PIK3R5: variants seen among roughly 807,000 people sequenced by gnomAD.
PIK3R5 encodes phosphoinositide 3-kinase regulatory subunit 5.
PIK3R5 carries 32 observed loss-of-function variants against 94.9 expected under a neutral mutation model. The observed-to-expected ratio is 0.34, with a 90% CI of 0.25 to 0.45. The LOEUF (loss-of-function observed/expected upper bound fraction) is 0.45. Among genes scored for constraint, PIK3R5 ranks in the 20% least tolerant of loss-of-function variants. The pLI, the probability that PIK3R5 is intolerant of heterozygous loss-of-function variation, is 1.00. For synonymous variants in PIK3R5, 443 were observed against 479.4 expected, an observed-to-expected ratio of 0.92 and a Z score of 0.99; for missense variants, 853 against 1,144.6, an observed-to-expected ratio of 0.75 and a Z score of 3.68.
At position 8,904,962 on chromosome 17, in the gene PIK3R5, G is replaced by A; in HGVS notation, c.274-47C>T. 41 of 1,592,808 alleles carry A rather than the reference G, an allele frequency of 2.6e-5. No homozygotes were observed. Among genetic ancestry groups the A allele is most frequent in the Non-Finnish European group, 3.5e-5 (41 of 1,169,650 alleles). On this transcript the variant is annotated intron_variant, in intron 4 of 18. Transcript: ENST00000447110. This position sits in a 1 kb window ranked among gnomAD's most constrained non-coding sequence, Gnocchi z 5.1. ...AGCAAAGAGATCTAGGTGAGAAAAG[G>A]CTCAGATAGTCCCAGACAGCTTCTG...
intron 1 of PIK3R5, among the ~76,000 whole-genome samples, chr17:8,939,339 T>C (rs2091133143): frequency 6.6e-6 from 1 of 152,216 alleles, no homozygotes; most frequent in Non-Finnish European, 1.5e-5. Context: ...CAGTCTGACA[T>C]CTACAGACCC....
chr17:8,891,287 C>T (rs1567638638), intron 6 of PIK3R5, among the ~76,000 whole-genome samples: 1 of 152,146 alleles, frequency 6.6e-6, no homozygotes, highest in Non-Finnish European at 1.5e-5. Context: ...TGACTTGAAG[C>T]CAAGCGATCA....
At chr17:8,951,948 G>C (rs900599786) in intron 1 of PIK3R5, among the ~76,000 whole-genome samples, 2 of 152,218 alleles carry the variant, frequency 1.3e-5, no homozygotes, top group African/African-American at 4.8e-5. Flanking sequence ...AATAGACATT[G>C]ATAAGTGCAA....
intron 14 of PIK3R5, among the ~76,000 whole-genome samples, chr17:8,885,756 G>A (rs1418978179): frequency 1.3e-5 from 1 of 75,358 alleles, no homozygotes; most frequent in African/African-American, 6.5e-5. Context: ...CCACCTCCTG[G>A]GTAACCCCGC....
rs1275034201 is a variant in PIK3R5 at position 8,890,247 on chromosome 17, A to T, written c.658-121T>A. 5.9e-6 allele frequency: 6 copies of T among 1,008,864 alleles called. No individual in the cohort carries two copies. In the African/African-American group the frequency reaches 9.5e-5, roughly 16 times the overall value. The allele number at this position is 1,008,864 out of a possible 1,614,324, so 62.5% of individuals were successfully genotyped here. ...CTGTCCCCTCCCAGCCTCATCACCCATCTCCTACCCACAGCTGGCCAGGCA... is the reference window on the plus strand; with the variant it reads ...CTGTCCCCTCCCAGCCTCATCACCCTTCTCCTACCCACAGCTGGCCAGGCA... On this transcript the variant is annotated intron_variant, in intron 7 of 18. Transcript: ENST00000447110. This position sits in a 1 kb window ranked among gnomAD's most constrained non-coding sequence, Gnocchi z 6.1.
chr17:8,906,143 C>A (rs1395604612), intron 3 of PIK3R5, among the ~76,000 whole-genome samples: 2 of 152,102 alleles, frequency 1.3e-5, no homozygotes, highest in Non-Finnish European at 2.9e-5. Flanking sequence ...TGTCCTAATG[C>A]TCTCCCTCCC....
intron 1 of PIK3R5, among the ~76,000 whole-genome samples, chr17:8,948,241 G>A (rs1318700355): frequency 6.6e-6 from 1 of 152,064 alleles, no homozygotes; most frequent in Non-Finnish European, 1.5e-5. Flanking sequence ...CCACTTATAA[G>A]TAGGAGCTAA....
At position 8,888,251 on chromosome 17, in the gene PIK3R5, G is replaced by A. The variant is rs1447185750; in HGVS notation, c.1536C>T (p.Pro512=). The change falls in exon 10 of 19, where the codon CCC becomes CCT. Residue 512 remains proline (P), a synonymous_variant. Transcript: ENST00000447110. This position sits in a 1 kb window ranked among gnomAD's most constrained non-coding sequence, Gnocchi z 7.8. ...CCACAACACGTAGCGTGGAAGCCTT[G>A]GGATCCTCATCTCCACTCAGGAAGG... The part of the protein sequence containing the change: ...RRPFLSGDED[P]KASTLRVVVF... 2.5e-6 allele frequency: 4 copies of A among 1,613,350 alleles called. No individual in the cohort carries two copies. Among genetic ancestry groups the A allele is most frequent in the East Asian group, 2.2e-5 (1 of 44,854 alleles).
chr17:8,900,300 A>G (rs1262858865), intron 5 of PIK3R5, among the ~76,000 whole-genome samples: 1 of 152,152 alleles, frequency 6.6e-6, no homozygotes, highest in African/African-American at 2.4e-5. Context: ...TGAGGAGCTC[A>G]TCTCAGTTTC....
chr17:8,880,885 C>G lies in PIK3R5; in HGVS notation c.2495+20G>C. The stretch of plus-strand genomic sequence containing the variant: ...GTGGGAGCAGAAACTGCTCCCCTCC[C>G]TAGGACCCCCCTTTCCTACCTGACT... On this transcript the variant is annotated intron_variant, in intron 18 of 18. Coordinates refer to ENST00000447110, the MANE Select transcript of PIK3R5 (RefSeq NM_001142633.3). 1 of 1,613,140 alleles carries G rather than the reference C, an allele frequency of 6.2e-7. No individual in the cohort carries two copies. The highest frequency in any genetic ancestry group is 8.5e-7 in the Non-Finnish European group (1 of 1,179,144).
rs767817377 is a variant in PIK3R5, at chr17:8,925,469, A to G, written c.-13-13962T>C. Among the ~76,000 whole-genome samples the G allele has an allele frequency of 1.5e-5, 2 of 131,870 alleles. No homozygotes were observed. Among genetic ancestry groups the G allele is most frequent in the African/African-American group, 2.5e-5 (1 of 39,536 alleles). The allele number at this position is 131,870 out of a possible 152,430, so 86.5% of individuals were successfully genotyped here. On this transcript the variant is annotated intron_variant, in intron 1 of 18. Transcript: ENST00000447110. The surrounding 1 kb of genome is among the most constrained non-coding windows in gnomAD (Gnocchi z 5.1). ...TAGATGGATAGATAGTAGATGGATG[A>G]TAGATAGATAGTAGATGGATAGATA... is the stretch of plus-strand genomic sequence containing the variant.
intron 5 of PIK3R5, among the ~76,000 whole-genome samples, chr17:8,899,500 GC>G (rs1339846027): frequency 1.3e-5 from 2 of 152,198 alleles, no homozygotes; most frequent in Non-Finnish European, 2.9e-5. Flanking sequence ...GGGAGGCATT[GC>G]TATACACCCA....
intron 1 of PIK3R5, among the ~76,000 whole-genome samples, chr17:8,921,877 C>T (rs1278841172): frequency 3.3e-5 from 5 of 152,014 alleles, no homozygotes; most frequent in Non-Finnish European, 7.4e-5. Flanking sequence ...TCAAAGATTT[C>T]TTGGATATAA....
In PIK3R5 at chr17:8,905,677, C is replaced by G. The variant is rs530592159; in HGVS notation, c.265G>C (p.Val89Leu). ...GGCCCACGTGGACTTACACAAAGAA[C>G]AGTGGAATAGAAGAGCAGGGCCAGC... is the stretch of plus-strand genomic sequence containing the variant. ...TPLALLFYST[V>L]LCTPHFPPDS... is the part of the protein sequence containing the mutation. Residue 89 changes from valine (V) to leucine (L), a missense_variant, in exon 4 of 19, where the codon GTT becomes CTT. Val to Leu is a conservative substitution (Grantham distance 32). Transcript: ENST00000447110. 3.7e-6 allele frequency: 6 copies of G among 1,603,570 alleles called. No individual in the cohort carries two copies. Among genetic ancestry groups the G allele is most frequent in the Non-Finnish European group, 5.1e-6 (6 of 1,175,126 alleles).
chr17:8,908,775 G>T (rs2090455462), intron 3 of PIK3R5, among the ~76,000 whole-genome samples: 1 of 152,072 alleles, frequency 6.6e-6, no homozygotes, highest in Non-Finnish European at 1.5e-5. Context: ...ATCTTTTTGA[G>T]GAAAGGAATT....
At chr17:8,906,607 G>A (rs1474714920) in intron 3 of PIK3R5, among the ~76,000 whole-genome samples, 1 of 151,828 alleles carries the variant, frequency 6.6e-6, no homozygotes, top group Non-Finnish European at 1.5e-5. Flanking sequence ...TTTAGTCTGG[G>A]CCCAGTGGCT....
intron 1 of PIK3R5, among the ~76,000 whole-genome samples, chr17:8,921,960 C>A (rs956700452): frequency 2.6e-5 from 4 of 152,126 alleles, no homozygotes; most frequent in Non-Finnish European, 5.9e-5. Context: ...TTAAAGGATA[C>A]AATCAACAGA....
Position 8,901,153 on chromosome 17 carries a change from G to A in PIK3R5, c.412+3624C>T, listed in dbSNP as rs539540758. 5.9e-5 allele frequency among the ~76,000 whole-genome samples: 9 copies of A among 152,288 alleles called. 1 individual carries two copies. The highest frequency in any genetic ancestry group is 7.3e-5 in the Non-Finnish European group (5 of 68,034). ...AGGGAGTGTGGGAGGGAATGAAGGA[G>A]TTTGACCTTAAACTGGCGTGTTCCT... On this transcript the variant is annotated intron_variant, in intron 5 of 18. Transcript: ENST00000447110.
Position 8,955,293 on chromosome 17 carries a change from G to A in PIK3R5, c.-14+10303C>T, listed in dbSNP as rs913862515. ...TCAGCAAGCACTGATTGAATGACAA[G>A]TGCTGGCCCCTGCAAGGCACTGGAG... On this transcript the variant is annotated intron_variant, in intron 1 of 18. Coordinates refer to ENST00000447110, the MANE Select transcript of PIK3R5 (RefSeq NM_001142633.3). The surrounding 1 kb of genome is among the most constrained non-coding windows in gnomAD (Gnocchi z 4.4). Among the ~76,000 whole-genome samples the A allele has an allele frequency of 6.6e-6, 1 of 152,234 alleles. No individual in the cohort carries two copies. The highest frequency in any genetic ancestry group is 1.5e-5 in the Non-Finnish European group (1 of 68,038).
Sources: gnomAD v4.1 joint callset for allele counts (sites outside exome capture counted in the v4.1 genomes callset) on GRCh38, gnomAD v4.1.1 for gene constraint, Gnocchi (gnomAD v3.1) non-coding constraint, MANE v1.5 for transcripts, NCBI Gene and HGNC (gene_info 2026-07-23, HGNC 2026-07-21) for gene names.